CTNNA3: variants seen among roughly 807,000 people sequenced by gnomAD.
CTNNA3 encodes catenin alpha-3.
Under a neutral mutation model 95.7 loss-of-function variants are expected in CTNNA3, and 76 were observed. The observed-to-expected ratio is 0.79, with a 90% CI of 0.66 to 0.96. CTNNA3 has a LOEUF of 0.96. Among genes scored for constraint, CTNNA3 ranks in the 40% least tolerant of loss-of-function variants. CTNNA3 has a pLI of 0.00. For missense variants in CTNNA3, 1,191 were observed against 1,089.8 expected, an observed-to-expected ratio of 1.09 and a Z score of -1.31; for synonymous variants, 431 against 374.4, an observed-to-expected ratio of 1.15 and a Z score of -1.74.
chr10:65,995,087 G>A (rs954284071), intron 15 of CTNNA3, among the ~76,000 whole-genome samples: 1 of 150,502 alleles, frequency 6.6e-6, no homozygotes, highest in Non-Finnish European at 1.5e-5. Context: ...TTCTTTATCT[G>A]TGTTCTATTG....
chr10:66,987,105 G>T (rs542102848), intron 7 of CTNNA3, among the ~76,000 whole-genome samples: 1 of 152,302 alleles, frequency 6.6e-6, no homozygotes, highest in South Asian at 2.1e-4. Context: ...TAGCATTTTA[G>T]AGGACAGCAA....
At chr10:67,323,756 T>C (rs1158123176) in intron 5 of CTNNA3, among the ~76,000 whole-genome samples, 1 of 152,070 alleles carries the variant, frequency 6.6e-6, no homozygotes, top group Non-Finnish European at 1.5e-5. Flanking sequence ...TCAATGGTAG[T>C]TTAATAGAAA....
intron 13 of CTNNA3, among the ~76,000 whole-genome samples, chr10:66,245,325 A>T (rs1283804807): frequency 6.6e-6 from 1 of 152,166 alleles, no homozygotes; most frequent in South Asian, 2.1e-4. Flanking sequence ...CCAAAGAGGG[A>T]GTCACAGCCC....
At chr10:66,533,558 A>G (rs1841544058) in intron 10 of CTNNA3, among the ~76,000 whole-genome samples, 1 of 152,110 alleles carries the variant, frequency 6.6e-6, no homozygotes, top group South Asian at 2.1e-4. Context: ...ACTAATCTCT[A>G]CTTTCCATTG....
At chr10:67,245,670 C>T (rs1008231650) in intron 5 of CTNNA3, among the ~76,000 whole-genome samples, 1 of 151,880 alleles carries the variant, frequency 6.6e-6, no homozygotes, top group African/African-American at 2.4e-5. Context: ...CCATCCTGGC[C>T]AACATTGTGA....
At chr10:67,705,993 T>C (rs1210276584) in intron 1 of CTNNA3, among the ~76,000 whole-genome samples, 1 of 152,106 alleles carries the variant, frequency 6.6e-6, no homozygotes, top group Non-Finnish European at 1.5e-5. Flanking sequence ...GCTGCTTCAC[T>C]TTTGAAGCAG....
chr10:66,659,222 G>A (rs960867381), intron 9 of CTNNA3, among the ~76,000 whole-genome samples: 7 of 142,506 alleles, frequency 4.9e-5, no homozygotes, highest in South Asian at 2.2e-4. Flanking sequence ...ACACACATAC[G>A]TGTAGTTCAA....
intron 11 of CTNNA3, among the ~76,000 whole-genome samples, chr10:66,391,044 T>C (rs2092929866): frequency 6.6e-6 from 1 of 151,926 alleles, no homozygotes; most frequent in African/African-American, 2.4e-5. Flanking sequence ...TATTGTCTTT[T>C]ATTCCGCCCA....
intron 13 of CTNNA3, among the ~76,000 whole-genome samples, chr10:66,121,106 C>T (rs890323611): frequency 6.6e-6 from 1 of 152,174 alleles, no homozygotes; most frequent in Non-Finnish European, 1.5e-5. Flanking sequence ...AAACAAAAAT[C>T]TTGCCTACTA....
At chr10:67,302,006 A>AGAAG (rs1491553766) in intron 5 of CTNNA3, among the ~76,000 whole-genome samples, 1 of 13,216 alleles carries the variant, frequency 7.6e-5, no homozygotes, top group Non-Finnish European at 1.1e-4. Context: ...AAAGAACGAA[A>AGAAG]GAAAGAAAGA....
intron 7 of CTNNA3, among the ~76,000 whole-genome samples, chr10:67,134,454 A>G (rs1439805951): frequency 6.6e-6 from 1 of 152,142 alleles, no homozygotes; most frequent in Non-Finnish European, 1.5e-5. Flanking sequence ...TCCTAATAAA[A>G]TAATACGATG....
In CTNNA3 at chr10:65,917,774, C is replaced by T. The variant is rs1385000824; in HGVS notation, c.*2556G>A. 3 of 149,838 alleles carry T rather than the reference C, an allele frequency of 2.0e-5. No individual in the cohort carries two copies. Among genetic ancestry groups the T allele is most frequent in the Non-Finnish European group, 4.4e-5 (3 of 67,564 alleles). 9.3% of individuals were successfully genotyped at this position (149,838 alleles called of 1,614,324 possible). On this transcript the variant is annotated 3_prime_UTR_variant, in exon 18 of 18. Transcript: ENST00000433211. ...TGGCAATCCTCTGCAGAAGAAATAC[C>T]TAAATATAAATGTGTCATGCTGATT...
At chr10:67,354,666 A>C (rs1842750426) in intron 5 of CTNNA3, among the ~76,000 whole-genome samples, 1 of 152,028 alleles carries the variant, frequency 6.6e-6, no homozygotes, top group East Asian at 1.9e-4. Flanking sequence ...TAGGGAATGC[A>C]ATTGCATCCA....
chr10:67,701,552 ATACTT>A (rs1490849046), intron 1 of CTNNA3, among the ~76,000 whole-genome samples: 10 of 152,222 alleles, frequency 6.6e-5, no homozygotes, highest in Admixed American at 2.0e-4. Context: ...GAGAAATAAA[ATACTT>A]TACAGACAAG....
intron 1 of CTNNA3, chr10:67,750,326 A>G: frequency 6.6e-7 from 1 of 1,524,782 alleles, no homozygotes; most frequent in Non-Finnish European, 9.1e-7. Flanking sequence ...CAAGATGCCC[A>G]TTGTGGGCCT....
intron 7 of CTNNA3, among the ~76,000 whole-genome samples, chr10:67,141,088 G>C (rs1000872515): frequency 6.6e-6 from 1 of 152,152 alleles, no homozygotes; most frequent in Admixed American, 6.5e-5. Flanking sequence ...CAATGTAGAG[G>C]CATGCTCCCT....
chr10:66,615,323 T>C (rs915674857), intron 10 of CTNNA3, among the ~76,000 whole-genome samples: 1 of 152,002 alleles, frequency 6.6e-6, no homozygotes, highest in Non-Finnish European at 1.5e-5. Context: ...TGATCAAACT[T>C]ACACTACAAA....
chr10:66,993,213 A>G (rs1317536091), intron 7 of CTNNA3, among the ~76,000 whole-genome samples: 5 of 152,120 alleles, frequency 3.3e-5, no homozygotes, highest in Non-Finnish European at 7.4e-5. Context: ...GGGTATCTCT[A>G]TGTGGCTATT....
At chr10:66,103,082 G>T in intron 14 of CTNNA3, 75 bp downstream of exon 14, 1 of 1,188,990 alleles carries the variant, frequency 8.4e-7, no homozygotes, top group Non-Finnish European at 1.3e-6. Context: ...ATTAGAGGCT[G>T]CCTAGATTGA....
Sources: gnomAD v4.1 joint callset for allele counts (sites outside exome capture counted in the v4.1 genomes callset) on GRCh38, gnomAD v4.1.1 for gene constraint, MANE v1.5 for transcripts, NCBI Gene and HGNC (gene_info 2026-07-23, HGNC 2026-07-21) for gene names.